The following UQCC1 variants were observed in gnomAD, a reference collection of about 807,000 sequenced individuals.
UQCC1 encodes the protein bFGF-repressed Zic-binding protein.
In UQCC1, 38 loss-of-function variants were observed where a neutral mutation model predicts 48.0. That is an observed-to-expected ratio of 0.79 (90% CI 0.61 to 1.04). The LOEUF is 1.04. Among genes scored for constraint, UQCC1 ranks in the 50% least tolerant of loss-of-function variants. The pLI, the probability that UQCC1 is intolerant of heterozygous loss-of-function variation, is 0.00. For missense variants in UQCC1, 368 were observed against 381.8 expected (o/e 0.96, Z 0.30); for synonymous variants, 111 against 129.2 (o/e 0.86, Z 0.95).
intron 7 of UQCC1, among the ~76,000 whole-genome samples, chr20:35,340,511 CT>C (rs887707297): frequency 9.2e-5 from 14 of 152,266 alleles, no homozygotes; most frequent in African/African-American, 3.1e-4. Flanking sequence ...TACACTCACA[CT>C]TTTTTCCCCC....
At chr20:35,360,462 C>T (rs2146424040) in intron 6 of UQCC1, among the ~76,000 whole-genome samples, 1 of 152,308 alleles carries the variant, frequency 6.6e-6, no homozygotes, top group South Asian at 2.1e-4. Context: ...GGCTTCTTCC[C>T]TTCAGCTTAT....
intron 7 of UQCC1, among the ~76,000 whole-genome samples, chr20:35,340,795 G>A (rs573892821): frequency 2.2e-4 from 34 of 152,218 alleles, no homozygotes; most frequent in Admixed American, 1.6e-3. Flanking sequence ...TTTTTATATC[G>A]TAAAATAGAA....
intron 4 of UQCC1, among the ~76,000 whole-genome samples, chr20:35,376,145 T>C (rs989184062): frequency 5.4e-5 from 8 of 147,254 alleles, no homozygotes; most frequent in African/African-American, 2.0e-4. Flanking sequence ...CCGACTCTAC[T>C]AAAAATACAA....
chr20:35,307,483 C>T (rs1268920291), intron 8 of UQCC1, among the ~76,000 whole-genome samples: 1 of 152,138 alleles, frequency 6.6e-6, no homozygotes, highest in Non-Finnish European at 1.5e-5. Context: ...AAAATAAGAG[C>T]CCCAGCCACC....
chr20:35,308,722 T>C (rs1352467749), intron 8 of UQCC1, among the ~76,000 whole-genome samples: 1 of 152,228 alleles, frequency 6.6e-6, no homozygotes, highest in African/African-American at 2.4e-5. Flanking sequence ...TGCTTTGTTT[T>C]GTTTTGTTTT....
At chr20:35,407,460 AT>A (rs1469605754) in intron 1 of UQCC1, among the ~76,000 whole-genome samples, 2 of 151,884 alleles carry the variant, frequency 1.3e-5, no homozygotes, top group African/African-American at 2.4e-5. Flanking sequence ...AGAAAAAAAA[AT>A]AAGTTGGACT....
At chr20:35,354,232 C>G (rs1304494961) in intron 6 of UQCC1, among the ~76,000 whole-genome samples, 1 of 152,138 alleles carries the variant, frequency 6.6e-6, no homozygotes, top group Non-Finnish European at 1.5e-5. Context: ...AATAGAACAT[C>G]ATTTTCAGAA....
intron 6 of UQCC1, among the ~76,000 whole-genome samples, chr20:35,365,922 A>T (rs1329087433): frequency 6.6e-6 from 1 of 152,174 alleles, no homozygotes; most frequent in Non-Finnish European, 1.5e-5. Context: ...CTTTCCCAAG[A>T]TCTGGCAGTT....
chr20:35,334,837 C>A (rs997607800), intron 7 of UQCC1, among the ~76,000 whole-genome samples: 1 of 152,166 alleles, frequency 6.6e-6, no homozygotes, highest in Non-Finnish European at 1.5e-5. Context: ...TAACACAAGG[C>A]TAGCTTTTCA....
chr20:35,349,992 C>CAACAAACAAACA (rs11474405), intron 6 of UQCC1, among the ~76,000 whole-genome samples: 44 of 150,208 alleles, frequency 2.9e-4, no homozygotes, highest in African/African-American at 8.3e-4. Flanking sequence ...GACCCTGTCT[C>CAACAAACAAACA]AACAAACAAA....
chr20:35,340,241 G>A (rs2061362242), intron 7 of UQCC1, among the ~76,000 whole-genome samples: 1 of 152,086 alleles, frequency 6.6e-6, no homozygotes, highest in African/African-American at 2.4e-5. Flanking sequence ...TACCTCTTAA[G>A]GCCTAGGGGT....
chr20:35,406,052 C>T (rs1246720681), intron 1 of UQCC1, among the ~76,000 whole-genome samples: 1 of 151,554 alleles, frequency 6.6e-6, no homozygotes, highest in Non-Finnish European at 1.5e-5. Flanking sequence ...GCAATAAAGA[C>T]AAATTAGTAG....
chr20:35,409,032 G>C (rs1454023266), intron 1 of UQCC1, among the ~76,000 whole-genome samples: 2 of 152,144 alleles, frequency 1.3e-5, no homozygotes, highest in Admixed American at 6.6e-5. Context: ...GGCTGCCAGG[G>C]GCTGGGGAGA....
chr20:35,371,699 GAAAAAAAAAAA>G (rs57335287), intron 5 of UQCC1, among the ~76,000 whole-genome samples: 1 of 92,234 alleles, frequency 1.1e-5, no homozygotes, highest in African/African-American at 4.4e-5. Flanking sequence ...GGCACTTAAA[GAAAAAAAAAAA>G]AAAAAAAAAA....
chr20:35,363,777 C>T (rs1009547538), intron 6 of UQCC1, among the ~76,000 whole-genome samples: 2 of 152,176 alleles, frequency 1.3e-5, no homozygotes, highest in African/African-American at 4.8e-5. Flanking sequence ...CCCACACTAC[C>T]ACCTCCAAGA....
chr20:35,409,664 G>C (rs1372745613), intron 1 of UQCC1, among the ~76,000 whole-genome samples: 2 of 152,122 alleles, frequency 1.3e-5, no homozygotes, highest in East Asian at 3.8e-4. Flanking sequence ...CAAATGTCCA[G>C]GCTCTCTGCT....
chr20:35,359,129 C>G (rs1389021030), intron 6 of UQCC1, among the ~76,000 whole-genome samples: 1 of 152,146 alleles, frequency 6.6e-6, no homozygotes, highest in African/African-American at 2.4e-5. Context: ...AGCTATCAAT[C>G]CTGCCTTATA....
chr20:35,384,306 T>C (rs1461047263), intron 2 of UQCC1, among the ~76,000 whole-genome samples, 173 bp from the exon 3 acceptor site: 4 of 152,260 alleles, frequency 2.6e-5, no homozygotes, highest in Non-Finnish European at 2.9e-5. Flanking sequence ...GTCTAGTACA[T>C]GGTAGATGCC....
chr20:35,337,470 A>T (rs1042981562), intron 7 of UQCC1, among the ~76,000 whole-genome samples: 1 of 152,166 alleles, frequency 6.6e-6, no homozygotes, highest in Non-Finnish European at 1.5e-5. Flanking sequence ...TACAGGCTTA[A>T]GCCACCACAT....
Sources: gnomAD v4.1 joint callset for allele counts (sites outside exome capture counted in the v4.1 genomes callset) on GRCh38, gnomAD v4.1.1 for gene constraint, MANE v1.5 for transcripts, NCBI Gene and HGNC (gene_info 2026-07-23, HGNC 2026-07-21) for gene names.